Variants in AJAP1 observed in about 807,000 individuals in gnomAD.
AJAP1 encodes the protein adherens junctions associated protein 1.
A neutral mutation model predicts 35.0 loss-of-function variants in AJAP1; 5 were observed. The observed-to-expected ratio is 0.14, with a 90% CI of 0.07 to 0.30. The LOEUF (loss-of-function observed/expected upper bound fraction) is 0.30. Among genes scored for constraint, AJAP1 ranks in the 10% least tolerant of loss-of-function variants. AJAP1 has a pLI of 1.00. For missense variants in AJAP1, 586 were observed against 571.0 expected (o/e 1.03, Z -0.27); for synonymous variants, 284 against 249.3 (o/e 1.14, Z -1.31).
intron 1 of AJAP1, among the ~76,000 whole-genome samples, chr1:4,674,300 G>A (rs1400663183): frequency 6.6e-6 from 1 of 152,118 alleles, no homozygotes; most frequent in Non-Finnish European, 1.5e-5. Context: ...TGTAAATAAA[G>A]TTTTATTGGC....
intron 1 of AJAP1, among the ~76,000 whole-genome samples, chr1:4,705,664 G>A (rs553713740): frequency 1.8e-4 from 27 of 151,896 alleles, no homozygotes; most frequent in Non-Finnish European, 3.8e-4. Flanking sequence ...ACAGAAGGCC[G>A]GTCTCATCAC....
chr1:4,671,387 A>AGCT (rs1639245061), intron 1 of AJAP1, among the ~76,000 whole-genome samples: 1 of 149,218 alleles, frequency 6.7e-6, no homozygotes, highest in African/African-American at 2.5e-5. Context: ...AAAAAAAAGA[A>AGCT]TGGCAGCTGA....
At chr1:4,691,768 T>G (rs1213759390) in intron 1 of AJAP1, among the ~76,000 whole-genome samples, 1 of 152,058 alleles carries the variant, frequency 6.6e-6, no homozygotes, top group Admixed American at 6.5e-5. Context: ...AGGCAAGGTC[T>G]TTGAGGTCGG....
chr1:4,742,287 C>T (rs369758995), intron 2 of AJAP1, among the ~76,000 whole-genome samples: 1 of 152,164 alleles, frequency 6.6e-6, no homozygotes. Flanking sequence ...TGATTGGAGT[C>T]GCTGAGAACA....
Position 4,790,827 on chromosome 1 carries a change from C to G in AJAP1, c.*8342C>G, listed in dbSNP as rs1332043422. 2.0e-5 allele frequency: 3 copies of G among 152,202 alleles called. No homozygotes were observed. The highest frequency in any genetic ancestry group is 4.8e-5 in the African/African-American group (2 of 41,464). 9.4% of individuals were successfully genotyped at this position (152,202 alleles called of 1,614,324 possible). On this transcript the variant is annotated 3_prime_UTR_variant, in exon 6 of 6. Coordinates refer to ENST00000378191, the MANE Select transcript of AJAP1 (RefSeq NM_018836.4). ...CCACATCAGTTTCTGCTCCTTCAAACAGTGTGTCGATATGAAACATTGAGA... is the reference window on the plus strand; with the variant it reads ...CCACATCAGTTTCTGCTCCTTCAAAGAGTGTGTCGATATGAAACATTGAGA...
At chr1:4,763,994 T>C (rs1641627854) in intron 2 of AJAP1, among the ~76,000 whole-genome samples, 1 of 151,964 alleles carries the variant, frequency 6.6e-6, no homozygotes, top group South Asian at 2.1e-4. Context: ...CCCTGCCCAC[T>C]GACCTGAACC....
intron 1 of AJAP1, among the ~76,000 whole-genome samples, chr1:4,705,308 AT>A (rs1435714524): frequency 6.7e-6 from 1 of 149,702 alleles, no homozygotes; most frequent in Admixed American, 6.7e-5. Context: ...AGGCATTACC[AT>A]TCAGGACATA....
At chr1:4,719,625 C>T (rs922933053) in intron 2 of AJAP1, among the ~76,000 whole-genome samples, 2 of 152,034 alleles carry the variant, frequency 1.3e-5, no homozygotes, top group Non-Finnish European at 2.9e-5. Flanking sequence ...CCAGGCCAGG[C>T]CTCCACCTCC....
In AJAP1 at chr1:4,783,138, A is replaced by G. The variant is rs1161432096; in HGVS notation, c.*653A>G. On this transcript the variant is annotated 3_prime_UTR_variant, in exon 6 of 6. Coordinates refer to ENST00000378191, the MANE Select transcript of AJAP1 (RefSeq NM_018836.4). ...TGTTATAGGTTACAAAATCTGATTT[A>G]TTTAACATGCTTAGTATGAGCAGAA... 3.5e-6 allele frequency: 1 copy of G among 287,964 alleles called. No individual in the cohort carries two copies. Among genetic ancestry groups the G allele is most frequent in the Non-Finnish European group, 6.3e-6 (1 of 158,202 alleles). The allele number at this position is 287,964 out of a possible 1,614,324, so 17.8% of individuals were successfully genotyped here.
rs1642236901 is a variant in AJAP1 at position 4,790,871 on chromosome 1, C to G, written c.*8386C>G. The G allele has an allele frequency of 6.6e-6, 1 of 152,160 alleles. No individual in the cohort carries two copies. The highest frequency in any genetic ancestry group is 1.5e-5 in the Non-Finnish European group (1 of 68,018). 9.4% of individuals were successfully genotyped at this position (152,160 alleles called of 1,614,324 possible). ...ATTGAGATTTGGCAGAAACATGTGCCTAGTTTGCAGCACCAAATACTGGTC... is the reference window on the plus strand; with the variant it reads ...ATTGAGATTTGGCAGAAACATGTGCGTAGTTTGCAGCACCAAATACTGGTC... On this transcript the variant is annotated 3_prime_UTR_variant, in exon 6 of 6. Coordinates refer to ENST00000378191, the MANE Select transcript of AJAP1 (RefSeq NM_018836.4).
chr1:4,669,386 T>C (rs753696120), intron 1 of AJAP1, among the ~76,000 whole-genome samples: 4 of 152,206 alleles, frequency 2.6e-5, no homozygotes, highest in Admixed American at 1.3e-4. Context: ...CAGTTCCGCA[T>C]GGCTGGGGAG....
At position 4,682,266 on chromosome 1, in the gene AJAP1, G is replaced by A. The variant is rs141862038; in HGVS notation, c.29+26812G>A. ...ATGGTCTTCATATGGTGCCTGATCA[G>A]TGCTGTTGTAGTTGCTAAAATAATA... On this transcript the variant is annotated intron_variant, in intron 1 of 5. Transcript: ENST00000378191. 4.7e-3 allele frequency among the ~76,000 whole-genome samples: 713 copies of A among 152,328 alleles called. 5 individuals are homozygous for A. Among genetic ancestry groups the A allele is most frequent in the African/African-American group, 0.016 (676 of 41,564 alleles).
At position 4,770,019 on chromosome 1, in the gene AJAP1, A is replaced by C; in HGVS notation, c.917+79A>C. The C allele has an allele frequency of 4.7e-6, 6 of 1,281,014 alleles. No individual in the cohort carries two copies. The South Asian group carries it at 7.1e-5, about 15-fold the overall frequency. 79.4% of individuals were successfully genotyped at this position (1,281,014 alleles called of 1,614,324 possible). A position where few individuals can be genotyped will look rare whatever the true frequency, so the allele number is the denominator to read the frequency against. ...GGGTGGTGAATACAGAAAGGCCCCT[A>C]CTTTTCAAAGCCAGCCTGTTCTGCT... On this transcript the variant is annotated intron_variant, in intron 3 of 5. Coordinates refer to ENST00000378191, the MANE Select transcript of AJAP1 (RefSeq NM_018836.4).
chr1:4,751,941 C>G (rs1169858681), intron 2 of AJAP1, among the ~76,000 whole-genome samples: 1 of 152,150 alleles, frequency 6.6e-6, no homozygotes, highest in Non-Finnish European at 1.5e-5. Context: ...AGTCCCTGCC[C>G]ACACCCCACA....
At chr1:4,711,574 G>A (rs943840727) in intron 1 of AJAP1, among the ~76,000 whole-genome samples, 1 of 152,204 alleles carries the variant, frequency 6.6e-6, no homozygotes, top group Admixed American at 6.5e-5. Flanking sequence ...GCCCTGAAAG[G>A]CTGGGGGTTT....
At chr1:4,736,625 G>T (rs781448007) in intron 2 of AJAP1, among the ~76,000 whole-genome samples, 2 of 152,220 alleles carry the variant, frequency 1.3e-5, no homozygotes, top group African/African-American at 4.8e-5. Context: ...CTTCAGGCCC[G>T]AGCCTTGATG....
rs192098788 is a variant in AJAP1, at chr1:4,690,874, G to A, written c.30-21026G>A. Among the ~76,000 whole-genome samples the A allele has an allele frequency of 2.0e-4, 31 of 152,314 alleles. No homozygotes were observed. The East Asian group carries it at 3.9e-3, about 19-fold the overall frequency. ...GAGTCCACCTGACTTCTTATCCAGG[G>A]AGCAGGGACCTTGGGGGTCAAGTGC... On this transcript the variant is annotated intron_variant, in intron 1 of 5. Coordinates refer to ENST00000378191, the MANE Select transcript of AJAP1 (RefSeq NM_018836.4).
chr1:4,696,857 A>G (rs1373963238), intron 1 of AJAP1, among the ~76,000 whole-genome samples: 1 of 150,398 alleles, frequency 6.6e-6, no homozygotes, highest in African/African-American at 2.5e-5. Flanking sequence ...TATGCACACA[A>G]GATGTGTTTG....
At chr1:4,707,075 C>A (rs547233356) in intron 1 of AJAP1, among the ~76,000 whole-genome samples, 3 of 152,074 alleles carry the variant, frequency 2.0e-5, no homozygotes, top group Non-Finnish European at 4.4e-5. Context: ...CCCTGTCTCA[C>A]GTTCAGGGTG....
Sources: allele counts gnomAD v4.1 joint callset (sites outside exome capture counted in the v4.1 genomes callset), GRCh38; gene constraint gnomAD v4.1.1; transcripts MANE v1.5; gene names NCBI Gene and HGNC (gene_info 2026-07-23, HGNC 2026-07-21).